TRPM3: variants seen among roughly 807,000 people sequenced by gnomAD.
The protein encoded by TRPM3 is transient receptor potential cation channel subfamily M member 3, also known as long transient receptor potential channel 3.
A neutral mutation model predicts 181.2 loss-of-function variants in TRPM3; 77 were observed. That is an observed-to-expected ratio of 0.42 (90% confidence interval 0.35 to 0.51). The LOEUF is 0.51. Ranked by LOEUF, TRPM3 falls within the 20% of genes least tolerant of loss-of-function variation. The pLI is 0.01. For synonymous variants in TRPM3, 745 were observed against 796.4 expected (o/e 0.94, Z 1.09); for missense variants, 1,759 against 2,196.7 (o/e 0.80, Z 3.98).
intron 9 of TRPM3, among the ~76,000 whole-genome samples, chr9:70,648,691 A>G (rs1178985936): frequency 6.6e-6 from 1 of 152,098 alleles, no homozygotes; most frequent in South Asian, 2.1e-4. Context: ...ATAAAGCCAC[A>G]TACCTACAGG....
At chr9:70,941,509 C>A (rs1276354069) in intron 1 of TRPM3, among the ~76,000 whole-genome samples, 1 of 152,166 alleles carries the variant, frequency 6.6e-6, no homozygotes, top group African/African-American at 2.4e-5. Flanking sequence ...TGGGGCTTCG[C>A]TTTGTTACTG....
chr9:70,639,605 T>TGG (rs1313324517), intron 10 of TRPM3, among the ~76,000 whole-genome samples: 1 of 152,048 alleles, frequency 6.6e-6, no homozygotes, highest in East Asian at 1.9e-4. Context: ...CAGGCCAACT[T>TGG]GAGAAGAGGG....
At chr9:71,171,631 G>A (rs532807179) in intron 1 of TRPM3, among the ~76,000 whole-genome samples, 6 of 152,100 alleles carry the variant, frequency 3.9e-5, no homozygotes, top group Non-Finnish European at 8.8e-5. Flanking sequence ...AATGTGTTAA[G>A]GGATAGAAAT....
intron 7 of TRPM3, among the ~76,000 whole-genome samples, chr9:70,777,192 A>C (rs569775186): frequency 6.6e-6 from 1 of 152,178 alleles, no homozygotes; most frequent in Non-Finnish European, 1.5e-5. Flanking sequence ...TCTATCATAA[A>C]GAATTATGCA....
chr9:70,612,457 T>TA lies in TRPM3; in HGVS notation c.2527-1709dup, dbSNP rs1025343497. Reference sequence around the variant, plus strand: ...GAGACAATCCTAGATAATTCTGGCTTAAAACCACTTTACCTAAAGTATACA... The same window carrying TA: ...GAGACAATCCTAGATAATTCTGGCTTAAAAACCACTTTACCTAAAGTATACA... On this transcript the variant is annotated intron_variant, in intron 18 of 25. Transcript: ENST00000677713. Among the ~76,000 whole-genome samples the TA allele has an allele frequency of 5.5e-4, 84 of 152,328 alleles. 1 individual carries two copies. Among genetic ancestry groups the TA allele is most frequent in the African/African-American group, 1.9e-3 (80 of 41,558 alleles).
At chr9:71,422,755 T>C (rs2093799962) in intron 1 of TRPM3, among the ~76,000 whole-genome samples, 4 of 152,060 alleles carry the variant, frequency 2.6e-5, no homozygotes, top group Admixed American at 6.6e-5. Flanking sequence ...CTTTGAAAAT[T>C]AGTCAGCTGA....
At chr9:71,356,875 C>T (rs1206138377) in intron 1 of TRPM3, among the ~76,000 whole-genome samples, 1 of 152,114 alleles carries the variant, frequency 6.6e-6, no homozygotes, top group Non-Finnish European at 1.5e-5. Flanking sequence ...CTTGTTTCTG[C>T]ACTTTTTCCT....
chr9:71,141,706 C>T (rs1029412674), intron 1 of TRPM3, among the ~76,000 whole-genome samples: 8 of 152,174 alleles, frequency 5.3e-5, no homozygotes, highest in Non-Finnish European at 1.0e-4. Flanking sequence ...TTAATATTAT[C>T]ACTACCACTT....
intron 2 of TRPM3, among the ~76,000 whole-genome samples, chr9:70,863,377 G>A (rs2132411566): frequency 6.6e-6 from 1 of 152,102 alleles, no homozygotes; most frequent in Non-Finnish European, 1.5e-5. Flanking sequence ...CACCTCTTTT[G>A]TACCTGGCAT....
chr9:70,880,466 A>G (rs2095968034), intron 1 of TRPM3, among the ~76,000 whole-genome samples: 1 of 152,128 alleles, frequency 6.6e-6, no homozygotes, highest in African/African-American at 2.4e-5. Flanking sequence ...GGTCCTTGCT[A>G]GCTTTCATCT....
At chr9:71,009,661 C>T (rs1467627345) in intron 1 of TRPM3, among the ~76,000 whole-genome samples, 2 of 151,972 alleles carry the variant, frequency 1.3e-5, no homozygotes, top group African/African-American at 4.8e-5. Context: ...CTATTACTCA[C>T]AGTGATGTAC....
chr9:70,552,888 C>T lies in TRPM3; in HGVS notation c.3530G>A (p.Trp1177Ter). 6.2e-7 allele frequency: 1 copy of T among 1,614,164 alleles called. No individual in the cohort carries two copies. ...ATCCGGGTCGCTCTCGTGTTTCCTC[C>T]ATCGGCAGCACAGGTGCTGGAATAT... ...TMIFQHLCCR[W>*]RKHESDPDER... The change falls in exon 24 of 26, where the codon TGG becomes TAG. Residue 1177 changes from tryptophan to a stop codon, truncating the protein, a stop_gained. Transcript: ENST00000677713. LOFTEE classifies it high-confidence loss of function.
chr9:70,688,864 C>T (rs1231471106), intron 8 of TRPM3, among the ~76,000 whole-genome samples: 1 of 152,140 alleles, frequency 6.6e-6, no homozygotes, highest in Non-Finnish European at 1.5e-5. Flanking sequence ...TTAAGGCATT[C>T]CAGGATGCCA....
At chr9:71,100,976 G>A (rs1172677823) in intron 1 of TRPM3, among the ~76,000 whole-genome samples, 1 of 151,988 alleles carries the variant, frequency 6.6e-6, no homozygotes, top group African/African-American at 2.4e-5. Context: ...CCCAAATCAT[G>A]GTAGCATTTT....
At chr9:71,382,610 C>T (rs1051530666) in intron 1 of TRPM3, among the ~76,000 whole-genome samples, 1 of 151,654 alleles carries the variant, frequency 6.6e-6, no homozygotes, top group Admixed American at 6.6e-5. Flanking sequence ...CAGATAAACC[C>T]TCATATAAGT....
intron 1 of TRPM3, among the ~76,000 whole-genome samples, chr9:71,034,197 C>T (rs1391349292): frequency 6.6e-6 from 1 of 152,178 alleles, no homozygotes; most frequent in African/African-American, 2.4e-5. Context: ...GCCATGATAG[C>T]CTCATCTCAG....
At chr9:71,382,987 A>T (rs1396675778) in intron 1 of TRPM3, among the ~76,000 whole-genome samples, 5 of 152,210 alleles carry the variant, frequency 3.3e-5, no homozygotes, top group Admixed American at 6.5e-5. Context: ...GTATAAGCCC[A>T]AAACAATATT....
intron 1 of TRPM3, among the ~76,000 whole-genome samples, chr9:70,961,413 C>T (rs1027406837): frequency 2.0e-5 from 3 of 152,148 alleles, no homozygotes; most frequent in Non-Finnish European, 1.5e-5. Flanking sequence ...TTTGTTACAG[C>T]AGCAATAGGA....
At chr9:71,191,309 ATTAT>A (rs1169729051) in intron 1 of TRPM3, among the ~76,000 whole-genome samples, 2 of 151,844 alleles carry the variant, frequency 1.3e-5, no homozygotes, top group Non-Finnish European at 1.5e-5. Flanking sequence ...ACTCTGTGTC[ATTAT>A]TTATTTGCTT....
Sources: gnomAD v4.1 joint callset for allele counts (sites outside exome capture counted in the v4.1 genomes callset) on GRCh38, gnomAD v4.1.1 for gene constraint, MANE v1.5 for transcripts, NCBI Gene and HGNC (gene_info 2026-07-23, HGNC 2026-07-21) for gene names.